ASIC2: variants seen among roughly 807,000 people sequenced by gnomAD.
ASIC2 encodes acid-sensing ion channel 2.
ASIC2 carries 25 observed loss-of-function variants against 57.3 expected under a neutral mutation model. The observed-to-expected ratio is 0.44, with a 90% CI of 0.32 to 0.61. The LOEUF (loss-of-function observed/expected upper bound fraction) is 0.61, where lower values mean the gene tolerates loss of function less well. ASIC2 is among the 20% of genes least tolerant of loss of function. The pLI, the probability that ASIC2 is intolerant of heterozygous loss-of-function variation, is 0.06. For missense variants in ASIC2, 641 were observed against 738.1 expected (o/e 0.87, Z 1.52); for synonymous variants, 319 against 307.5 (o/e 1.04, Z -0.39).
chr17:33,899,760 T>G (rs1597922184), intron 1 of ASIC2, among the ~76,000 whole-genome samples: 1 of 152,256 alleles, frequency 6.6e-6, no homozygotes, highest in Non-Finnish European at 1.5e-5. Flanking sequence ...ACATGCTAGA[T>G]AGATGTCTTC....
intron 1 of ASIC2, among the ~76,000 whole-genome samples, chr17:33,510,462 A>C (rs1914397207): frequency 6.6e-6 from 1 of 151,912 alleles, no homozygotes; most frequent in African/African-American, 2.4e-5. Flanking sequence ...AGGCCAGTAT[A>C]GTGAGACCCC....
chr17:33,103,912 C>T (rs542972112), intron 2 of ASIC2, among the ~76,000 whole-genome samples: 1 of 152,244 alleles, frequency 6.6e-6, no homozygotes, highest in African/African-American at 2.4e-5. Flanking sequence ...CCTAATAGTT[C>T]CTTTTGTAGA....
intron 1 of ASIC2, among the ~76,000 whole-genome samples, chr17:33,981,002 C>T (rs1221032458): frequency 1.4e-5 from 2 of 146,690 alleles, no homozygotes; most frequent in South Asian, 4.3e-4. Flanking sequence ...ATGGCACAAT[C>T]TCAGCTCACT....
chr17:33,417,405 A>G lies in ASIC2; in HGVS notation c.556-305338T>C, dbSNP rs116280701. Reference sequence around the variant, plus strand: ...CTATTGCAAGAATTTCTTAAATAGGATTGAAATCTGTCTGTCTGTAGCTTC... The same window carrying G: ...CTATTGCAAGAATTTCTTAAATAGGGTTGAAATCTGTCTGTCTGTAGCTTC... On this transcript the variant is annotated intron_variant, in intron 1 of 9. Coordinates refer to the ASIC2 transcript ENST00000359872. 2.9e-3 allele frequency among the ~76,000 whole-genome samples: 435 copies of G among 152,264 alleles called. 2 individuals carry two copies. Among genetic ancestry groups the G allele is most frequent in the African/African-American group, 0.01 (422 of 41,526 alleles).
chr17:33,909,506 A>T (rs1296550121), intron 1 of ASIC2, among the ~76,000 whole-genome samples: 3 of 152,174 alleles, frequency 2.0e-5, no homozygotes, highest in African/African-American at 7.2e-5. Context: ...GAGTGGAACC[A>T]CGGAGCATGG....
intron 1 of ASIC2, among the ~76,000 whole-genome samples, chr17:33,806,174 G>A (rs1214196686): frequency 6.6e-6 from 1 of 152,152 alleles, no homozygotes; most frequent in Non-Finnish European, 1.5e-5. Context: ...AAATAATTAA[G>A]CGGCAATGAT....
intron 1 of ASIC2, among the ~76,000 whole-genome samples, chr17:33,230,858 A>T (rs381598): frequency 0.71 from 108,182 of 151,466 alleles, 38,861 homozygotes; most frequent in Middle Eastern, 0.8. Context: ...TTCCCACTTC[A>T]AGGTGATACG....
At chr17:33,382,216 G>A (rs978256450) in intron 1 of ASIC2, among the ~76,000 whole-genome samples, 1 of 152,168 alleles carries the variant, frequency 6.6e-6, no homozygotes, top group Non-Finnish European at 1.5e-5. Flanking sequence ...GAATCCATCT[G>A]AACTTAGGGC....
intron 1 of ASIC2, among the ~76,000 whole-genome samples, chr17:33,209,873 T>A (rs1330569194): frequency 6.6e-6 from 1 of 152,218 alleles, no homozygotes; most frequent in Non-Finnish European, 1.5e-5. Flanking sequence ...TCTGCTGACC[T>A]AACTGACCAG....
chr17:33,534,746 G>A (rs1915170333), intron 1 of ASIC2: 1 of 152,210 alleles, frequency 6.6e-6, no homozygotes, highest in African/African-American at 2.4e-5. Context: ...TGGCTCCAAA[G>A]CCAGTGCTCT....
intron 1 of ASIC2, among the ~76,000 whole-genome samples, chr17:33,865,754 A>AC (rs1567739059): frequency 9.5e-5 from 9 of 94,898 alleles, no homozygotes; most frequent in African/African-American, 3.4e-4. Context: ...ATAATAAAAA[A>AC]AAAATAAAAA....
In ASIC2 at chr17:33,625,181, T is replaced by TC. The variant is rs1567672738; in HGVS notation, c.556-513115_556-513114insG. On this transcript the variant is annotated intron_variant, in intron 1 of 9. Coordinates refer to the ASIC2 transcript ENST00000359872. ...TATCTATCTATCTATCTATCATCTA[T>TC]TATCTATCTATTATCTGTCATCTAT... Among the ~76,000 whole-genome samples the TC allele has an allele frequency of 4.9e-5, 7 of 144,154 alleles. No homozygotes were observed. The South Asian group carries it at 9.3e-4, about 19-fold the overall frequency. 94.6% of individuals were successfully genotyped at this position (144,154 alleles called of 152,430 possible). A position where few individuals can be genotyped will look rare whatever the true frequency, so the allele number is the denominator to read the frequency against.
chr17:33,414,512 G>A (rs952610918), intron 1 of ASIC2, among the ~76,000 whole-genome samples: 3 of 152,110 alleles, frequency 2.0e-5, no homozygotes, highest in African/African-American at 7.2e-5. Context: ...TTCCTACCAC[G>A]GCAGCCACCG....
chr17:34,078,023 G>A (rs757006421), intron 1 of ASIC2, among the ~76,000 whole-genome samples: 6 of 152,066 alleles, frequency 3.9e-5, no homozygotes, highest in Non-Finnish European at 5.9e-5. Context: ...GTGCCTCTTA[G>A]GCCCCTACAG....
At chr17:33,774,118 C>G (rs1052143140) in intron 1 of ASIC2, among the ~76,000 whole-genome samples, 4 of 152,172 alleles carry the variant, frequency 2.6e-5, no homozygotes, top group Non-Finnish European at 4.4e-5. Context: ...AAATGGTAGG[C>G]TCTCTGGCTC....
At chr17:33,145,130 T>C (rs1904504900) in intron 1 of ASIC2, among the ~76,000 whole-genome samples, 2 of 152,240 alleles carry the variant, frequency 1.3e-5, no homozygotes, top group South Asian at 4.1e-4. Context: ...ATGTTCTTCT[T>C]TGATGGTGGG....
At chr17:33,462,531 T>A (rs770498830) in intron 1 of ASIC2, among the ~76,000 whole-genome samples, 4 of 152,224 alleles carry the variant, frequency 2.6e-5, no homozygotes, top group Non-Finnish European at 5.9e-5. Flanking sequence ...CAGAGGCACC[T>A]ACCAGCCCTA....
chr17:33,876,663 G>A lies in ASIC2; in HGVS notation c.555+279315C>T, dbSNP rs144620715. On this transcript the variant is annotated intron_variant, in intron 1 of 9. Coordinates refer to the ASIC2 transcript ENST00000359872. ...TCACCCACACAGAGCTCAGAGTCCA[G>A]CAGTCATCTAGAATTTGAACCAAGT... 2.8e-3 allele frequency among the ~76,000 whole-genome samples: 434 copies of A among 152,286 alleles called. 5 individuals carry two copies. Among genetic ancestry groups the A allele is most frequent in the African/African-American group, 9.9e-3 (412 of 41,554 alleles).
intron 1 of ASIC2, among the ~76,000 whole-genome samples, chr17:33,694,900 G>A (rs12452936): frequency 0.35 from 52,492 of 151,826 alleles, 10,620 homozygotes; most frequent in African/African-American, 0.57. Flanking sequence ...CTTGTTCCCC[G>A]TCTCACTCAG....
Sources: gnomAD v4.1 joint callset for allele counts (sites outside exome capture counted in the v4.1 genomes callset) on GRCh38, gnomAD v4.1.1 for gene constraint, MANE v1.5 for transcripts, NCBI Gene and HGNC (gene_info 2026-07-23, HGNC 2026-07-21) for gene names.